BICRAL: variants seen among roughly 807,000 people sequenced by gnomAD.
The protein encoded by BICRAL is BRD4-interacting chromatin-remodeling complex-associated protein-like.
BICRAL carries 8 observed loss-of-function variants against 91.8 expected under a neutral mutation model. The observed-to-expected ratio is 0.09, with a 90% CI of 0.05 to 0.16. The LOEUF is 0.16. BICRAL is among the 10% of genes least tolerant of loss of function. BICRAL has a pLI of 1.00. For missense variants in BICRAL, 1,038 were observed against 1,310.9 expected (o/e 0.79, Z 3.21); for synonymous variants, 445 against 491.1 (o/e 0.91, Z 1.24).
chr6:42,775,226 C>T lies in BICRAL; in HGVS notation c.-260-6613C>T, dbSNP rs189336391. 3.5e-3 allele frequency among the ~76,000 whole-genome samples: 527 copies of T among 152,306 alleles called. 11 individuals carry two copies. Among genetic ancestry groups the T allele is most frequent in the Non-Finnish European group, 6.6e-4 (45 of 68,034 alleles). On this transcript the variant is annotated intron_variant, in intron 1 of 14. Coordinates refer to the BICRAL transcript ENST00000614467. ...CTGGGATCACAGGCGTGAGCCACTGCGCCCGGCCAGAGTAGTTCCTTCTTC... is the reference window on the plus strand; with the variant it reads ...CTGGGATCACAGGCGTGAGCCACTGTGCCCGGCCAGAGTAGTTCCTTCTTC...
chr6:42,802,312 A>G (rs1763597549), intron 1 of BICRAL, among the ~76,000 whole-genome samples: 1 of 152,244 alleles, frequency 6.6e-6, no homozygotes, highest in Non-Finnish European at 1.5e-5. Context: ...TCCTGAATAA[A>G]ACTAGAAATC....
Position 42,797,452 on chromosome 6 carries a change from T to C in BICRAL, c.-101-12854T>C, listed in dbSNP as rs554379774. 5.9e-5 allele frequency among the ~76,000 whole-genome samples: 9 copies of C among 152,308 alleles called. No homozygotes were observed. In the South Asian group the frequency reaches 1.9e-3, roughly 32 times the overall value. On this transcript the variant is annotated intron_variant, in intron 1 of 12. Transcript: ENST00000314073. ...ACTTAAAAAGGAAAAAAAAAAGTTATAGTCAATAACAGCTTTGGAATCAGA... is the reference window on the plus strand; with the variant it reads ...ACTTAAAAAGGAAAAAAAAAAGTTACAGTCAATAACAGCTTTGGAATCAGA...
intron 1 of BICRAL, among the ~76,000 whole-genome samples, chr6:42,800,065 G>A (rs1019862560): frequency 7.9e-5 from 12 of 151,496 alleles, no homozygotes; most frequent in African/African-American, 2.9e-4. Context: ...TTTTTGTTTT[G>A]TTTTGTTTTG....
chr6:42,767,316 C>A (rs753913343), intron 1 of BICRAL, among the ~76,000 whole-genome samples: 1 of 151,990 alleles, frequency 6.6e-6, no homozygotes, highest in East Asian at 1.9e-4. Context: ...TAATTAATGT[C>A]ATTTAATTTT....
Position 42,866,739 on chromosome 6 carries a change from G to A in BICRAL, c.*1293G>A, listed in dbSNP as rs575877932. ...GCCTGTGTTCATATTAGTGAGCATG[G>A]CTTACTGCTTTATTTATTTTTATTT... On this transcript the variant is annotated 3_prime_UTR_variant, in exon 13 of 13. Transcript: ENST00000314073. 4.4e-6 allele frequency: 2 copies of A among 453,500 alleles called. No individual in the cohort carries two copies. Among genetic ancestry groups the A allele is most frequent in the East Asian group, 1.4e-4 (2 of 14,392 alleles). 28.1% of individuals were successfully genotyped at this position (453,500 alleles called of 1,614,324 possible).
upstream of BICRAL, among the ~76,000 whole-genome samples, chr6:42,780,776 C>T (rs1028912397): frequency 3.3e-5 from 5 of 152,010 alleles, no homozygotes; most frequent in Non-Finnish European, 5.9e-5. Context: ...CTTGCTGTGT[C>T]GCCCAGGCTA....
chr6:42,781,596 G>GGTGGGTGT (rs565436259), upstream of BICRAL, among the ~76,000 whole-genome samples: 20 of 103,486 alleles, frequency 1.9e-4, no homozygotes, highest in East Asian at 1.4e-3. Flanking sequence ...TGGGTGGGTG[G>GGTGGGTGT]GTGTGTGTGT....
intron 6 of BICRAL, among the ~76,000 whole-genome samples, chr6:42,845,199 T>TG (rs1562490957): frequency 2.3e-4 from 3 of 12,934 alleles, no homozygotes; most frequent in Admixed American, 6.8e-4. Context: ...TTGGGTGTTT[T>TG]TTTTTTTTTT....
intron 1 of BICRAL, among the ~76,000 whole-genome samples, chr6:42,803,855 A>G (rs971384040): frequency 1.3e-5 from 2 of 152,218 alleles, no homozygotes; most frequent in African/African-American, 4.8e-5. Context: ...GACCCAAGCT[A>G]TATGGTATAG....
rs144784765 is a variant in BICRAL, at chr6:42,768,840, C to T, written c.-260-12999C>T. Among the ~76,000 whole-genome samples the T allele has an allele frequency of 2.6e-3, 396 of 152,300 alleles. 6 individuals carry two copies. The highest frequency in any genetic ancestry group is 8.7e-3 in the African/African-American group (360 of 41,558). On this transcript the variant is annotated intron_variant, in intron 1 of 14. Coordinates refer to the BICRAL transcript ENST00000614467. ...CACAGCTGACCCAGTCTCTGTGTCC[C>T]AAGTGCTAATACCCAGAAGAGAGGA...
chr6:42,791,511 C>T (rs1763270959), intron 1 of BICRAL, among the ~76,000 whole-genome samples: 1 of 152,066 alleles, frequency 6.6e-6, no homozygotes, highest in South Asian at 2.1e-4. Context: ...AGGAGTTGAA[C>T]TTTGTGTCCT....
chr6:42,749,362 A>T lies in BICRAL; in HGVS notation c.-261+2339A>T, dbSNP rs114178181. Among the ~76,000 whole-genome samples, 682 of 152,318 alleles carry T rather than the reference A, an allele frequency of 4.5e-3. 4 individuals carry two copies. The highest frequency in any genetic ancestry group is 0.016 in the African/African-American group (655 of 41,564). On this transcript the variant is annotated intron_variant, in intron 1 of 14. Coordinates refer to the BICRAL transcript ENST00000614467. ...AGTTGATCATATGGAGTTGGAGTGT[A>T]GAATGATAGTTACCAGAGGCTGGGA...
intron 1 of BICRAL, among the ~76,000 whole-genome samples, chr6:42,766,831 G>C (rs974530888): frequency 2.6e-5 from 4 of 152,108 alleles, no homozygotes; most frequent in African/African-American, 4.8e-5. Context: ...ATGAGGTCAG[G>C]AGATCGAGAC....
At chr6:42,830,207 T>G (rs1172303720) in intron 6 of BICRAL, 35 bp downstream of exon 6, 7 of 1,595,070 alleles carry the variant, frequency 4.4e-6, no homozygotes, top group South Asian at 1.1e-5. Context: ...TTTGGCTGAT[T>G]ATAGAATGGA....
rs562554503 is a variant in BICRAL, at chr6:42,754,252, A to T, written c.-261+7229A>T. Among the ~76,000 whole-genome samples the T allele has an allele frequency of 1.1e-3, 167 of 151,970 alleles. 4 individuals carry two copies. The South Asian group carries it at 0.034, about 31-fold the overall frequency. ...AGTGGCACAATCTGGGCTCACTGCA[A>T]GCTCCACCTCCCGAGTTCATGCCAT... On this transcript the variant is annotated intron_variant, in intron 1 of 14. Coordinates refer to the BICRAL transcript ENST00000614467.
intron 5 of BICRAL, among the ~76,000 whole-genome samples, chr6:42,825,708 G>T (rs1764277743): frequency 6.8e-6 from 1 of 148,058 alleles, no homozygotes; most frequent in Admixed American, 6.7e-5. Context: ...AGGTGACAGA[G>T]TGAGACCCTA....
intron 6 of BICRAL, among the ~76,000 whole-genome samples, chr6:42,845,702 C>T (rs1173583182): frequency 3.3e-5 from 5 of 152,032 alleles, no homozygotes; most frequent in Non-Finnish European, 7.4e-5. Context: ...CATTTAACAG[C>T]CACTGGCAGG....
intron 1 of BICRAL, among the ~76,000 whole-genome samples, chr6:42,791,387 CTTAAAA>C (rs904496124): frequency 9.9e-5 from 15 of 152,206 alleles, no homozygotes; most frequent in Admixed American, 5.2e-4. Context: ...CTTAACATTA[CTTAAAA>C]TTAAAGCCCT....
Position 42,830,132 on chromosome 6 carries a change from A to G in BICRAL, c.1799A>G (p.Asn600Ser). 1 of 1,614,136 alleles carries G rather than the reference A, an allele frequency of 6.2e-7. No homozygotes were observed. Among genetic ancestry groups the G allele is most frequent in the Non-Finnish European group, 8.5e-7 (1 of 1,179,946 alleles). ...SSSKSTSTFS[N>S]TPGTGTQQQF... is the part of the protein sequence containing the mutation. ...TCCAAGTCTACCAGCACCTTCAGTA[A>G]CACACCTGGAACAGGAACCCAGCAA... Residue 600 changes from asparagine (N) to serine (S), a missense_variant, in exon 6 of 13, where the codon AAC (asparagine) becomes AGC (serine). This residue lies in a region of BICRAL where 532 missense variants were observed against 724.9 expected (regional missense o/e 0.73). Transcript: ENST00000314073.
Sources: allele counts gnomAD v4.1 joint callset (sites outside exome capture counted in the v4.1 genomes callset), GRCh38; gene constraint gnomAD v4.1.1; regional missense constraint gnomAD v4.1.1; transcripts MANE v1.5; gene names NCBI Gene and HGNC (gene_info 2026-07-23, HGNC 2026-07-21).